The following CYRIB variants were observed in gnomAD, a reference collection of about 807,000 sequenced individuals.
CYRIB encodes CYFIP related Rac1 interactor B.
Under a neutral mutation model 44.2 loss-of-function variants are expected in CYRIB, and 8 were observed. That is an observed-to-expected ratio of 0.18 (90% CI 0.11 to 0.33). The LOEUF is 0.33. Among genes scored for constraint, CYRIB ranks in the 10% least tolerant of loss-of-function variants. The pLI is 1.00. For missense variants in CYRIB, 185 were observed against 382.8 expected (o/e 0.48, Z 4.31); for synonymous variants, 131 against 127.2 (o/e 1.03, Z -0.20).
At chr8:129,895,080 T>C (rs1234410185) in intron 2 of CYRIB, among the ~76,000 whole-genome samples, 4 of 126,946 alleles carry the variant, frequency 3.2e-5, no homozygotes, top group African/African-American at 1.2e-4. Context: ...TGGGACTACA[T>C]GCCCGTGTCA....
intron 1 of CYRIB, among the ~76,000 whole-genome samples, chr8:129,989,487 ACT>A (rs1303805110): frequency 6.6e-6 from 1 of 152,206 alleles, no homozygotes; most frequent in East Asian, 1.9e-4. Context: ...CGTAAGGGGC[ACT>A]CTGAGTCGTT....
intron 1 of CYRIB, 62 bp from the exon 3 acceptor site, chr8:129,904,647 T>C (rs901837180): frequency 1.3e-5 from 2 of 152,238 alleles, no homozygotes; most frequent in African/African-American, 4.8e-5. Flanking sequence ...AGACACTTGA[T>C]TTCCACAATA....
chr8:129,880,964 A>G (rs887747180), intron 2 of CYRIB, among the ~76,000 whole-genome samples: 13 of 152,220 alleles, frequency 8.5e-5, no homozygotes, highest in African/African-American at 3.1e-4. Context: ...AAAAAACTTT[A>G]CCACACATAA....
chr8:129,846,888 A>G lies in CYRIB; in HGVS notation c.841-14T>C. The G allele has an allele frequency of 1.3e-6, 2 of 1,560,210 alleles. No individual in the cohort carries two copies. Among genetic ancestry groups the G allele is most frequent in the Non-Finnish European group, 8.6e-7 (1 of 1,158,096 alleles). The stretch of plus-strand genomic sequence containing the variant: ...ACAACCTTTCATCTAAAGAAAAAGA[A>G]AACAGAAAAGGTAAAACAGCCATTT... On this transcript the variant is annotated splice_polypyrimidine_tract_variant and intron_variant, in intron 10 of 11. Coordinates refer to ENST00000519824, the Ensembl canonical transcript of CYRIB.
chr8:129,992,121 G>A (rs2096654756), intron 1 of CYRIB, among the ~76,000 whole-genome samples: 1 of 151,584 alleles, frequency 6.6e-6, no homozygotes, highest in African/African-American at 2.4e-5. Context: ...AGGAGTTTGA[G>A]ACCAGCCTGG....
At chr8:129,974,420 A>G (rs1462774058) in intron 1 of CYRIB, among the ~76,000 whole-genome samples, 1 of 152,144 alleles carries the variant, frequency 6.6e-6, no homozygotes, top group Non-Finnish European at 1.5e-5. Context: ...TTCTCTGACC[A>G]ATTTTGCCAT....
chr8:129,863,644 A>C (rs1253183508), intron 4 of CYRIB, among the ~76,000 whole-genome samples: 1 of 152,196 alleles, frequency 6.6e-6, no homozygotes, highest in Admixed American at 6.5e-5. Flanking sequence ...GTAAGATGAA[A>C]AACTAGTTTC....
intron 1 of CYRIB, among the ~76,000 whole-genome samples, chr8:129,933,334 G>A (rs2092054670): frequency 6.6e-6 from 1 of 152,104 alleles, no homozygotes; most frequent in Non-Finnish European, 1.5e-5. Flanking sequence ...CCCCAAGATG[G>A]ACTGAAGGCC....
At chr8:129,871,422 A>G (rs941016288) in exon 4 of CYRIB, 1 of 1,612,098 alleles carries the variant, frequency 6.2e-7, no homozygotes, top group Non-Finnish European at 8.5e-7. Context: ...AAGTCCTCCA[A>G]GATGCCTTCT....
rs572541089 is a variant in CYRIB at position 129,848,359 on chromosome 8, C to T, written c.840+884G>A. ...GCCTAAACTAGCTATGAAAGGGAAA[C>T]GGGAAGACAATTCTCACCAAACACT... is the stretch of plus-strand genomic sequence containing the variant. On this transcript the variant is annotated intron_variant, in intron 10 of 11. Transcript: ENST00000519824. Among the ~76,000 whole-genome samples the T allele has an allele frequency of 1.2e-3, 182 of 152,130 alleles. 1 individual carries two copies. The highest frequency in any genetic ancestry group is 1.7e-3 in the Non-Finnish European group (118 of 67,996).
At chr8:129,921,540 T>C (rs1422227331) in intron 1 of CYRIB, among the ~76,000 whole-genome samples, 1 of 152,170 alleles carries the variant, frequency 6.6e-6, no homozygotes, top group Non-Finnish European at 1.5e-5. Flanking sequence ...ACAGCAGCCT[T>C]AATCTCCCAG....
At chr8:129,860,865 GA>G (rs34972546) in intron 5 of CYRIB, among the ~76,000 whole-genome samples, 60,670 of 129,218 alleles carry the variant, frequency 0.47, 12,879 homozygotes, top group East Asian at 0.58. Context: ...GAGGCTTAAA[GA>G]AAAAAAAAAA....
chr8:129,842,142 T>C, exon 12 of CYRIB: 1 of 1,610,902 alleles, frequency 6.2e-7, no homozygotes, highest in Middle Eastern at 1.7e-4. Context: ...TCCAGAATTG[T>C]TATTGCAGCA....
chr8:129,915,484 A>G (rs182377910), intron 1 of CYRIB, among the ~76,000 whole-genome samples: 38 of 152,304 alleles, frequency 2.5e-4, no homozygotes, highest in Non-Finnish European at 1.5e-4. Flanking sequence ...AATTAATAAA[A>G]AAGTAAGATT....
chr8:129,967,532 A>G (rs2095533013), intron 2 of CYRIB, among the ~76,000 whole-genome samples: 1 of 151,694 alleles, frequency 6.6e-6, no homozygotes, highest in African/African-American at 2.4e-5. Context: ...GGCGCCTGCC[A>G]CCATGCCCGG....
chr8:130,013,911 T>A (rs1023278918), intron 1 of CYRIB, among the ~76,000 whole-genome samples: 1 of 152,184 alleles, frequency 6.6e-6, no homozygotes. Flanking sequence ...ACACGTACTG[T>A]TTCCTGCATG....
chr8:129,905,046 G>C (rs540573806), intron 1 of CYRIB, among the ~76,000 whole-genome samples: 25 of 152,280 alleles, frequency 1.6e-4, no homozygotes, highest in African/African-American at 5.8e-4. Flanking sequence ...AATGAAATAA[G>C]TCAGACACTC....
chr8:129,888,723 C>T (rs1237215472), intron 2 of CYRIB, among the ~76,000 whole-genome samples: 1 of 152,204 alleles, frequency 6.6e-6, no homozygotes, highest in Non-Finnish European at 1.5e-5. Context: ...TTGTACACTA[C>T]TCTATCCTGA....
intron 1 of CYRIB, among the ~76,000 whole-genome samples, chr8:129,926,270 T>C (rs2087667020): frequency 6.6e-6 from 1 of 152,232 alleles, no homozygotes; most frequent in Non-Finnish European, 1.5e-5. Context: ...TAAGTTTATA[T>C]TTTTTAAAAC....
Sources: allele counts gnomAD v4.1 joint callset (sites outside exome capture counted in the v4.1 genomes callset), GRCh38; gene constraint gnomAD v4.1.1; transcripts MANE v1.5; gene names NCBI Gene and HGNC (gene_info 2026-07-23, HGNC 2026-07-21).